SIAH1: variants seen among roughly 807,000 people sequenced by gnomAD.
SIAH1 encodes the protein siah E3 ubiquitin protein ligase 1.
In SIAH1, 2 loss-of-function variants were observed where a neutral mutation model predicts 20.0. That is an observed-to-expected ratio of 0.10 (90% confidence interval 0.04 to 0.31). The LOEUF is 0.31. SIAH1 is among the 10% of genes least tolerant of loss of function. SIAH1 has a pLI of 1.00. For missense variants in SIAH1, 119 were observed against 355.3 expected, an observed-to-expected ratio of 0.33 and a Z score of 5.35; for synonymous variants, 118 against 125.3, an observed-to-expected ratio of 0.94 and a Z score of 0.39.
intron 1 of SIAH1, chr16:48,365,421 T>G (rs760089036): frequency 6.2e-7 from 1 of 1,614,036 alleles, no homozygotes. Flanking sequence ...CTGGTAAACA[T>G]GTGAACAAGA....
chr16:48,378,246 G>A (rs1280159412), intron 1 of SIAH1, among the ~76,000 whole-genome samples: 7 of 152,248 alleles, frequency 4.6e-5, no homozygotes, highest in African/African-American at 1.2e-4. Context: ...CCAGCTACTC[G>A]AGAGGCTGAG....
intron 1 of SIAH1, chr16:48,363,970 A>C (rs550704682): frequency 3.2e-3 from 96 of 30,388 alleles, no homozygotes; most frequent in African/African-American, 0.012. Context: ...TTTTTTTTTG[A>C]GATGGAGTTT....
intron 1 of SIAH1, chr16:48,365,846 G>C (rs1252790348): frequency 1.6e-6 from 2 of 1,250,842 alleles, no homozygotes; most frequent in South Asian, 3.7e-5. Context: ...CGCGCTGGCT[G>C]AGAAGGAAGT....
chr16:48,378,398 T>C (rs1287277115), intron 1 of SIAH1, among the ~76,000 whole-genome samples: 1 of 152,206 alleles, frequency 6.6e-6, no homozygotes, highest in African/African-American at 2.4e-5. Flanking sequence ...GTACAAACTC[T>C]ACTGTTCCAT....
In SIAH1 at chr16:48,365,575, G is replaced by C; in HGVS notation, c.-2-3145C>G. On this transcript the variant is annotated intron_variant, in intron 1 of 1. Transcript: ENST00000394725. ...CTAAGCACAGAAGACCCAAATTCGCGTCTGAGGTCAGGATCCAAATACCAT... is the reference window on the plus strand; with the variant it reads ...CTAAGCACAGAAGACCCAAATTCGCCTCTGAGGTCAGGATCCAAATACCAT... 6.6e-6 allele frequency: 10 copies of C among 1,508,320 alleles called. No homozygotes were observed. The South Asian group carries it at 1.1e-4, about 17-fold the overall frequency. The allele number at this position is 1,508,320 out of a possible 1,614,324, so 93.4% of individuals were successfully genotyped here.
chr16:48,361,005 C>G lies in SIAH1; in HGVS notation c.*575G>C, dbSNP rs934128753. The G allele has an allele frequency of 3.9e-5, 6 of 152,108 alleles. No individual in the cohort carries two copies. Among genetic ancestry groups the G allele is most frequent in the Non-Finnish European group, 7.3e-5 (5 of 68,066 alleles). 9.4% of individuals were successfully genotyped at this position (152,108 alleles called of 1,614,324 possible). A position where few individuals can be genotyped will look rare whatever the true frequency, so the allele number is the denominator to read the frequency against. ...TTTTACCATAAACAAATATGCATATCAAAAGATACTAACTTTAAAATGGTA... is the reference window on the plus strand; with the variant it reads ...TTTTACCATAAACAAATATGCATATGAAAAGATACTAACTTTAAAATGGTA... On this transcript the variant is annotated 3_prime_UTR_variant, in exon 2 of 2. Coordinates refer to ENST00000394725, the MANE Select transcript of SIAH1 (RefSeq NM_003031.4).
intron 1 of SIAH1, among the ~76,000 whole-genome samples, chr16:48,368,518 A>ATACTTTG (rs1960901194): frequency 1.3e-5 from 2 of 152,328 alleles, no homozygotes; most frequent in South Asian, 4.1e-4. Context: ...CAACATGGTG[A>ATACTTTG]TACTTTGTCT....
intron 1 of SIAH1, among the ~76,000 whole-genome samples, chr16:48,366,823 A>G (rs182826889): frequency 6.6e-6 from 1 of 152,308 alleles, no homozygotes; most frequent in East Asian, 1.9e-4. Context: ...AATCACCTCA[A>G]CCTCGTTTTA....
rs765186722 is a variant in SIAH1 at position 48,361,647 on chromosome 16, G to C, written c.782C>G (p.Thr261Ser). 1 of 1,612,890 alleles carries C rather than the reference G, an allele frequency of 6.2e-7. No individual in the cohort carries two copies. The highest frequency in any genetic ancestry group is 1.7e-5 in the Admixed American group (1 of 60,016). Residue 261 changes from threonine (T) to serine (S), a missense_variant, in exon 2 of 2, where the codon ACC (threonine) becomes AGC (serine). Transcript: ENST00000394725. Reference sequence around the variant, plus strand: ...TTCTGCAAAAAGCTGTGCAATGCTGGTGTCAAAGACTAGACAGTCGCTATT... The same window carrying C: ...TTCTGCAAAAAGCTGTGCAATGCTGCTGTCAAAGACTAGACAGTCGCTATT... ...IMNSDCLVFD[T>S]SIAQLFAENG...
At chr16:48,375,614 G>A (rs1029752206) in intron 1 of SIAH1, among the ~76,000 whole-genome samples, 9 of 151,938 alleles carry the variant, frequency 5.9e-5, no homozygotes, top group Non-Finnish European at 1.3e-4. Context: ...ACTCCAGCCC[G>A]GGCGACAGAG....
chr16:48,379,832 G>A (rs1380860286), intron 1 of SIAH1, among the ~76,000 whole-genome samples: 1 of 152,206 alleles, frequency 6.6e-6, no homozygotes, highest in Non-Finnish European at 1.5e-5. Flanking sequence ...AATAGGATGA[G>A]AGGGGCTTGC....
intron 1 of SIAH1, among the ~76,000 whole-genome samples, chr16:48,375,481 T>C (rs1425416320): frequency 6.6e-6 from 1 of 151,850 alleles, no homozygotes; most frequent in Non-Finnish European, 1.5e-5. Flanking sequence ...CTACTAAAAA[T>C]ACAAAAATTA....
chr16:48,383,532 G>C (rs1177931240), intron 1 of SIAH1, among the ~76,000 whole-genome samples: 1 of 152,196 alleles, frequency 6.6e-6, no homozygotes, highest in Non-Finnish European at 1.5e-5. Flanking sequence ...TAACACCATA[G>C]ATACACACTC....
At chr16:48,366,303 A>G (rs1457730497) in intron 1 of SIAH1, among the ~76,000 whole-genome samples, 2 of 152,326 alleles carry the variant, frequency 1.3e-5, no homozygotes, top group East Asian at 1.9e-4. Flanking sequence ...TGCGAACTCT[A>G]AATTTTTAGA....
rs982740123 is a variant in SIAH1 at position 48,380,605 on chromosome 16, C to T, written c.-3+4599G>A. Reference sequence around the variant, plus strand: ...TGATGCTCCACATCACATGTCATCACGGAAATGCAAATTTAAAACAGTAAG... The same window carrying T: ...TGATGCTCCACATCACATGTCATCATGGAAATGCAAATTTAAAACAGTAAG... On this transcript the variant is annotated intron_variant, in intron 1 of 1. Coordinates refer to ENST00000394725, the MANE Select transcript of SIAH1 (RefSeq NM_003031.4). Among the ~76,000 whole-genome samples, 3 of 151,860 alleles carry T rather than the reference C, an allele frequency of 2.0e-5. No homozygotes were observed. The East Asian group carries it at 5.8e-4, about 30-fold the overall frequency.
At chr16:48,370,545 G>A (rs923578530) in intron 1 of SIAH1, among the ~76,000 whole-genome samples, 5 of 152,096 alleles carry the variant, frequency 3.3e-5, no homozygotes, top group Non-Finnish European at 7.4e-5. Flanking sequence ...TCGGCTGGGC[G>A]CGGTGGCTCG....
rs75987974 is a variant in SIAH1 at position 48,362,959 on chromosome 16, T to C, written c.-2-529A>G. The C allele has an allele frequency of 0.063, 10,374 of 165,776 alleles. 382 individuals are homozygous for C. The highest frequency in any genetic ancestry group is 0.15 in the Middle Eastern group (43 of 294). 10.3% of individuals were successfully genotyped at this position (165,776 alleles called of 1,614,324 possible). A position where few individuals can be genotyped will look rare whatever the true frequency, so the allele number is the denominator to read the frequency against. On this transcript the variant is annotated intron_variant, in intron 1 of 1. Transcript: ENST00000394725. The surrounding 1 kb of genome is among the most constrained non-coding windows in gnomAD (Gnocchi z 4.2). ...GATTGAAAATATTCAGAAAAATTTA[T>C]AAAGAATACAAAATTTTTAAAATAC...
At chr16:48,363,651 G>A (rs1771044124) in intron 1 of SIAH1, 1 of 167,200 alleles carries the variant, frequency 6.0e-6, no homozygotes, top group Non-Finnish European at 1.5e-5. Flanking sequence ...CCATACTGGG[G>A]GTGGGGGATG....
chr16:48,377,787 C>G (rs1961152204), intron 1 of SIAH1, among the ~76,000 whole-genome samples: 2 of 151,926 alleles, frequency 1.3e-5, no homozygotes, highest in African/African-American at 4.8e-5. Context: ...ACTTAAAAAA[C>G]AAAAGAAGGG....
Sources: gnomAD v4.1 joint callset for allele counts (sites outside exome capture counted in the v4.1 genomes callset) on GRCh38, gnomAD v4.1.1 for gene constraint, Gnocchi (gnomAD v3.1) non-coding constraint, MANE v1.5 for transcripts, NCBI Gene and HGNC (gene_info 2026-07-23, HGNC 2026-07-21) for gene names.